Variants in NRG3 observed in about 807,000 individuals in gnomAD.
The protein encoded by NRG3 is pro-neuregulin-3, membrane-bound isoform.
NRG3 carries 31 observed loss-of-function variants against 66.9 expected under a neutral mutation model. That is an observed-to-expected ratio of 0.46 (90% confidence interval 0.35 to 0.63). The LOEUF (loss-of-function observed/expected upper bound fraction) is 0.63, where lower values mean the gene tolerates loss of function less well. Ranked by LOEUF, NRG3 falls within the 20% of genes least tolerant of loss-of-function variation. The probability of loss-of-function intolerance (pLI) is 0.00; values close to 1 mark genes in which losing one functional copy is unlikely to be tolerated. For missense variants in NRG3, 910 were observed against 878.9 expected (o/e 1.04, Z -0.45); for synonymous variants, 393 against 359.4 (o/e 1.09, Z -1.06).
rs190881279 is a variant in NRG3, at chr10:82,497,754, A to G, written c.953+138886A>G. Among the ~76,000 whole-genome samples the G allele has an allele frequency of 3.1e-3, 473 of 152,294 alleles. 4 individuals are homozygous for G. Among genetic ancestry groups the G allele is most frequent in the African/African-American group, 0.011 (463 of 41,564 alleles). On this transcript the variant is annotated intron_variant, in intron 2 of 8. Transcript: ENST00000372141. ...TGGTGATTTCATTTTCTTTGGATAT[A>G]TACCCAGAAGTGAGATTGCTGGACA...
At chr10:82,761,600 A>G (rs2135065120) in intron 3 of NRG3, among the ~76,000 whole-genome samples, 1 of 152,218 alleles carries the variant, frequency 6.6e-6, no homozygotes, top group South Asian at 2.1e-4. Flanking sequence ...TAAAAACAAC[A>G]TAAACCAGAA....
At chr10:82,055,025 CAAAG>C (rs148920623) in intron 1 of NRG3, among the ~76,000 whole-genome samples, 21 of 142,490 alleles carry the variant, frequency 1.5e-4, no homozygotes, top group East Asian at 1.2e-3. Flanking sequence ...TAAAACAAAT[CAAAG>C]AAAGAAAGAA....
At chr10:82,220,520 T>G (rs2075890618) in intron 1 of NRG3, among the ~76,000 whole-genome samples, 1 of 151,926 alleles carries the variant, frequency 6.6e-6, no homozygotes, top group Admixed American at 6.6e-5. Flanking sequence ...TCTGGGAGAT[T>G]TTTCTTGAGG....
At chr10:82,727,183 G>C (rs1209454627) in intron 2 of NRG3, among the ~76,000 whole-genome samples, 1 of 152,216 alleles carries the variant, frequency 6.6e-6, no homozygotes, top group South Asian at 2.1e-4. Context: ...TCAATTTTCT[G>C]AGGAGAAATT....
intron 2 of NRG3, among the ~76,000 whole-genome samples, chr10:82,653,675 G>A (rs2051613104): frequency 6.6e-6 from 1 of 151,852 alleles, no homozygotes; most frequent in Non-Finnish European, 1.5e-5. Flanking sequence ...AGGTGGTGGG[G>A]GTGGATCACC....
intron 2 of NRG3, among the ~76,000 whole-genome samples, chr10:82,359,710 A>T (rs1265320324): frequency 6.6e-6 from 1 of 152,152 alleles, no homozygotes; most frequent in Non-Finnish European, 1.5e-5. Flanking sequence ...ATATATATCC[A>T]CACCCCTTTT....
At chr10:81,984,288 T>C (rs2060441537) in intron 1 of NRG3, among the ~76,000 whole-genome samples, 1 of 152,234 alleles carries the variant, frequency 6.6e-6, no homozygotes, top group Non-Finnish European at 1.5e-5. Flanking sequence ...ATCACATTAA[T>C]AATCACCAGT....
intron 1 of NRG3, among the ~76,000 whole-genome samples, chr10:81,929,786 T>C (rs1044264664): frequency 3.9e-5 from 6 of 152,336 alleles, no homozygotes; most frequent in South Asian, 2.1e-4. Flanking sequence ...GTTGAATTTA[T>C]CTGGCCAGGC....
intron 2 of NRG3, among the ~76,000 whole-genome samples, chr10:82,440,697 G>C (rs1459327127): frequency 2.0e-5 from 3 of 152,016 alleles, no homozygotes; most frequent in Non-Finnish European, 2.9e-5. Context: ...CCAGGAGGCT[G>C]CAAGAAGATA....
chr10:82,223,833 A>G (rs2076053626), intron 1 of NRG3, among the ~76,000 whole-genome samples: 1 of 152,158 alleles, frequency 6.6e-6, no homozygotes, highest in South Asian at 2.1e-4. Flanking sequence ...ATACCAAGGA[A>G]AAGGAACCAG....
intron 1 of NRG3, among the ~76,000 whole-genome samples, chr10:82,349,296 A>G (rs1042411335): frequency 6.6e-5 from 10 of 152,060 alleles, no homozygotes; most frequent in Non-Finnish European, 1.3e-4. Context: ...CGGGACCCTC[A>G]GCTGCAGGTC....
intron 2 of NRG3, among the ~76,000 whole-genome samples, chr10:82,542,106 G>C (rs1362456060): frequency 6.6e-6 from 1 of 152,036 alleles, no homozygotes; most frequent in East Asian, 1.9e-4. Flanking sequence ...CCAGTGTGTG[G>C]TGTTCCCCTC....
At chr10:82,189,956 C>A (rs1446576829) in intron 1 of NRG3, among the ~76,000 whole-genome samples, 2 of 151,478 alleles carry the variant, frequency 1.3e-5, no homozygotes, top group Admixed American at 1.3e-4. Flanking sequence ...GAGCGAGACC[C>A]CGCCTGAAAA....
chr10:82,760,645 A>G (rs568047756), intron 3 of NRG3, among the ~76,000 whole-genome samples: 8 of 152,236 alleles, frequency 5.3e-5, no homozygotes, highest in Admixed American at 3.9e-4. Context: ...ATTATTCTGC[A>G]TTACAGAGGC....
chr10:82,768,322 C>T (rs1181600596), intron 3 of NRG3, among the ~76,000 whole-genome samples: 1 of 152,162 alleles, frequency 6.6e-6, no homozygotes, highest in East Asian at 1.9e-4. Context: ...TTTTCTCCAT[C>T]CCAGTTCAAT....
intron 1 of NRG3, among the ~76,000 whole-genome samples, chr10:81,974,691 A>T (rs1305335901): frequency 6.6e-6 from 1 of 152,122 alleles, no homozygotes; most frequent in Non-Finnish European, 1.5e-5. Context: ...ATAATCTGAG[A>T]GTGGAGTTTT....
At chr10:82,615,979 T>C (rs908584789) in intron 2 of NRG3, among the ~76,000 whole-genome samples, 5 of 152,186 alleles carry the variant, frequency 3.3e-5, no homozygotes, top group Non-Finnish European at 7.3e-5. Context: ...AGCACTAATA[T>C]AGTTAGCCTC....
At chr10:82,936,062 A>G (rs1286637178) in intron 4 of NRG3, among the ~76,000 whole-genome samples, 3 of 152,186 alleles carry the variant, frequency 2.0e-5, no homozygotes, top group Non-Finnish European at 4.4e-5. Flanking sequence ...TCTTGGTCTG[A>G]GCATTGAGTA....
intron 1 of NRG3, among the ~76,000 whole-genome samples, chr10:81,973,879 T>G (rs1212644707): frequency 6.6e-6 from 1 of 152,202 alleles, no homozygotes; most frequent in East Asian, 1.9e-4. Context: ...CTGTTGATAG[T>G]TTCTTTTGCT....
Sources: gnomAD v4.1 joint callset for allele counts (sites outside exome capture counted in the v4.1 genomes callset) on GRCh38, gnomAD v4.1.1 for gene constraint, MANE v1.5 for transcripts, NCBI Gene and HGNC (gene_info 2026-07-23, HGNC 2026-07-21) for gene names.